Variants in THSD4 observed in about 807,000 individuals in gnomAD.
The protein encoded by THSD4 is thrombospondin type-1 domain-containing protein 4.
Under a neutral mutation model 119.0 loss-of-function variants are expected in THSD4, and 69 were observed. The ratio of observed to expected loss-of-function variants is 0.58; its 90% CI spans 0.48 to 0.71. THSD4 has a LOEUF of 0.71. Among genes scored for constraint, THSD4 ranks in the 30% least tolerant of loss-of-function variants. THSD4 has a pLI of 0.00. For synonymous variants in THSD4, 524 were observed against 540.4 expected (o/e 0.97, Z 0.42); for missense variants, 1,393 against 1,391.1 (o/e 1.00, Z -0.02).
At chr15:71,298,984 A>C (rs1215309724) in intron 6 of THSD4, among the ~76,000 whole-genome samples, 1 of 152,086 alleles carries the variant, frequency 6.6e-6, no homozygotes, top group Non-Finnish European at 1.5e-5. Context: ...TCCCTGGTAC[A>C]CCCTCAGCAC....
In THSD4 at chr15:71,583,625, T is replaced by A. The variant is rs567695939; in HGVS notation, c.1153-76905T>A. ...GTTTCCATTTTTGTTTGTATTAATATGTATTTTTATTTTCCCTTTCGATTT... is the reference window on the plus strand; with the variant it reads ...GTTTCCATTTTTGTTTGTATTAATAAGTATTTTTATTTTCCCTTTCGATTT... On this transcript the variant is annotated intron_variant, in intron 7 of 17. Coordinates refer to ENST00000261862, the MANE Select transcript of THSD4 (RefSeq NM_024817.3). Among the ~76,000 whole-genome samples, 10 of 152,292 alleles carry A rather than the reference T, an allele frequency of 6.6e-5. No individual in the cohort carries two copies. The South Asian group carries it at 1.7e-3, about 25-fold the overall frequency.
chr15:71,205,726 A>G (rs113546430), intron 3 of THSD4, among the ~76,000 whole-genome samples: 3,189 of 152,288 alleles, frequency 0.021, 123 homozygotes, highest in African/African-American at 0.073. Flanking sequence ...GAATGCTGAA[A>G]GGTAAAATTT....
intron 7 of THSD4, among the ~76,000 whole-genome samples, chr15:71,608,956 A>T (rs1469552883): frequency 6.6e-6 from 1 of 152,176 alleles, no homozygotes; most frequent in Non-Finnish European, 1.5e-5. Flanking sequence ...ACTCAAGAGG[A>T]CATCAGTCTC....
intron 8 of THSD4, among the ~76,000 whole-genome samples, chr15:71,694,467 T>C (rs1253315020): frequency 6.6e-6 from 1 of 152,228 alleles, no homozygotes; most frequent in African/African-American, 2.4e-5. Flanking sequence ...TACATTTTCC[T>C]TCCAGTTGTG....
chr15:71,758,204 A>G, intron 15 of THSD4, 129 bp downstream of exon 15: 2 of 1,149,154 alleles, frequency 1.7e-6, no homozygotes, highest in Non-Finnish European at 2.4e-6. Context: ...TCTATCTGTG[A>G]CCCTGGAGAA....
intron 6 of THSD4, among the ~76,000 whole-genome samples, chr15:71,274,006 T>G (rs1158196091): frequency 1.3e-5 from 2 of 152,204 alleles, no homozygotes; most frequent in Non-Finnish European, 2.9e-5. Flanking sequence ...AGCAGGTTTC[T>G]CCATCTAAGA....
At chr15:71,456,728 CTT>C (rs1233391185) in intron 7 of THSD4, among the ~76,000 whole-genome samples, 1 of 152,146 alleles carries the variant, frequency 6.6e-6, no homozygotes, top group Non-Finnish European at 1.5e-5. Context: ...GGAGGCAAAA[CTT>C]CTGCTGTGGA....
chr15:71,723,565 T>G (rs142836984), intron 8 of THSD4, among the ~76,000 whole-genome samples: 25 of 152,364 alleles, frequency 1.6e-4, no homozygotes, highest in African/African-American at 6.0e-4. Context: ...ACTCTCAAAC[T>G]GTAATGGAGA....
chr15:71,225,283 C>A (rs1457446502), intron 4 of THSD4, among the ~76,000 whole-genome samples: 1 of 152,138 alleles, frequency 6.6e-6, no homozygotes, highest in Non-Finnish European at 1.5e-5. Context: ...AGCTTTGTAT[C>A]CCAAGTTCAG....
chr15:71,260,774 A>C (rs1233994932), intron 6 of THSD4, among the ~76,000 whole-genome samples: 1 of 152,108 alleles, frequency 6.6e-6, no homozygotes, highest in African/African-American at 2.4e-5. Context: ...CCTGGTCTTG[A>C]GGGCTGAATT....
intron 7 of THSD4, among the ~76,000 whole-genome samples, chr15:71,447,557 C>T (rs2047202827): frequency 1.3e-5 from 2 of 152,212 alleles, no homozygotes; most frequent in African/African-American, 4.8e-5. Context: ...TAGAATTTAT[C>T]CTACCAGACC....
At position 71,765,046 on chromosome 15, in the gene THSD4, G is replaced by A. The variant is rs371091570; in HGVS notation, c.2616G>A (p.Thr872=). The stretch of plus-strand genomic sequence containing the variant: ...GTTCCATCGAGTGTGGGAGCGGGAC[G>A]CAACAGAGGGAGGTGATTTGTGTTA... ...SQCSIECGSG[T]QQREVICVRK... is the part of the protein sequence containing the mutation. Residue 872 remains threonine, a synonymous_variant, in exon 16 of 18, where the codon ACG becomes ACA. Coordinates refer to ENST00000261862, the MANE Select transcript of THSD4 (RefSeq NM_024817.3). The A allele has an allele frequency of 4.1e-5, 66 of 1,614,004 alleles. No homozygotes were observed. The highest frequency in any genetic ancestry group is 1.2e-4 in the Admixed American group (7 of 59,996).
intron 7 of THSD4, among the ~76,000 whole-genome samples, chr15:71,563,728 A>G (rs776131976): frequency 7.9e-5 from 12 of 152,184 alleles, no homozygotes; most frequent in African/African-American, 1.7e-4. Flanking sequence ...ACCTTAGTAG[A>G]TGTGGCTTTG....
rs777660864 is a variant in THSD4, at chr15:71,771,183, C to T, written c.2889C>T (p.Asn963=). ...QLKPEERESC[N]PQDCVPEVDE... ...AACCAGAAGAGAGAGAATCTTGTAA[C>T]CCTCAGGACTGTGTCCCTGAAGTTG... Residue 963 remains asparagine (N), a synonymous_variant, in exon 17 of 18, where the codon AAC becomes AAT. Coordinates refer to ENST00000261862, the MANE Select transcript of THSD4 (RefSeq NM_024817.3). The T allele has an allele frequency of 4.3e-6, 7 of 1,614,082 alleles. No individual in the cohort carries two copies. The Admixed American group carries it at 6.7e-5, about 15-fold the overall frequency.
At chr15:71,524,656 G>A (rs2048491758) in intron 7 of THSD4, among the ~76,000 whole-genome samples, 1 of 137,978 alleles carries the variant, frequency 7.2e-6, no homozygotes, top group South Asian at 2.4e-4. Flanking sequence ...GAGTGCAGTG[G>A]TGCAGTCTCA....
chr15:71,400,189 G>A (rs1468934686), intron 6 of THSD4, among the ~76,000 whole-genome samples: 2 of 152,222 alleles, frequency 1.3e-5, no homozygotes, highest in African/African-American at 2.4e-5. Flanking sequence ...AACTTCTAAA[G>A]TTTAAATTCC....
chr15:71,676,759 A>G (rs1016186736), intron 8 of THSD4, among the ~76,000 whole-genome samples: 5 of 152,202 alleles, frequency 3.3e-5, no homozygotes, highest in Non-Finnish European at 5.9e-5. Context: ...TTCACTTAGC[A>G]TAATGTTTTC....
chr15:71,607,297 G>A (rs2050127722), intron 7 of THSD4, among the ~76,000 whole-genome samples: 1 of 152,152 alleles, frequency 6.6e-6, no homozygotes, highest in African/African-American at 2.4e-5. Context: ...CAGGCAGATG[G>A]TCCAGCTTGC....
At chr15:71,383,144 G>T (rs1244007994) in intron 6 of THSD4, among the ~76,000 whole-genome samples, 2 of 152,026 alleles carry the variant, frequency 1.3e-5, no homozygotes, top group Non-Finnish European at 2.9e-5. Context: ...CCTACTTTTT[G>T]AATTTCTCCA....
Sources: gnomAD v4.1 joint callset for allele counts (sites outside exome capture counted in the v4.1 genomes callset) on GRCh38, gnomAD v4.1.1 for gene constraint, MANE v1.5 for transcripts, NCBI Gene and HGNC (gene_info 2026-07-23, HGNC 2026-07-21) for gene names.